The following TMEM181 variants were observed in gnomAD, a reference collection of about 807,000 sequenced individuals.
TMEM181 encodes transmembrane protein 181.
Under a neutral mutation model 71.9 loss-of-function variants are expected in TMEM181, and 39 were observed. The ratio of observed to expected loss-of-function variants is 0.54; its 90% CI spans 0.42 to 0.71. The LOEUF is 0.71. Ranked by LOEUF, TMEM181 falls within the 30% of genes least tolerant of loss-of-function variation. TMEM181 has a pLI of 0.00. For synonymous variants in TMEM181, 245 were observed against 228.8 expected (o/e 1.07, Z -0.64); for missense variants, 595 against 583.0 (o/e 1.02, Z -0.21).
At chr6:158,552,607 A>C (rs1781754094) in intron 1 of TMEM181, among the ~76,000 whole-genome samples, 1 of 152,222 alleles carries the variant, frequency 6.6e-6, no homozygotes, top group Admixed American at 6.5e-5. Flanking sequence ...TTGGGCCATA[A>C]GAGCAGAGTT....
At chr6:158,560,770 CGAGTT>C (rs1434241540) in intron 1 of TMEM181, among the ~76,000 whole-genome samples, 2 of 151,508 alleles carry the variant, frequency 1.3e-5, no homozygotes, top group Non-Finnish European at 2.9e-5. Flanking sequence ...CTCGGGGTGT[CGAGTT>C]ATATGAGTTT....
In TMEM181 at chr6:158,628,414, C is replaced by A; in HGVS notation, c.1116C>A (p.Ala372=). 1 of 1,614,206 alleles carries A rather than the reference C, an allele frequency of 6.2e-7. No individual in the cohort carries two copies. Among genetic ancestry groups the A allele is most frequent in the Non-Finnish European group, 8.5e-7 (1 of 1,180,040 alleles). The change falls in exon 14 of 17, where the codon GCC becomes GCA. Residue 372 remains alanine (A), a synonymous_variant. Transcript: ENST00000684151. ...GCTCCTCTGTCTTGTTCAGCATCGCCATCCTTTATTTGAGATTTGGGGCGC... is the reference window on the plus strand; with the variant it reads ...GCTCCTCTGTCTTGTTCAGCATCGCAATCCTTTATTTGAGATTTGGGGCGC... ...LTFVVLVISI[A]ILYLRFGAQV...
chr6:158,591,896 G>GT (rs1784130839), intron 6 of TMEM181, among the ~76,000 whole-genome samples: 1 of 151,996 alleles, frequency 6.6e-6, no homozygotes, highest in African/African-American at 2.4e-5. Flanking sequence ...GAAGAATTTG[G>GT]TACATATGTT....
chr6:158,548,582 G>A (rs539887322), intron 1 of TMEM181, among the ~76,000 whole-genome samples: 2 of 152,258 alleles, frequency 1.3e-5, no homozygotes, highest in South Asian at 2.1e-4. Flanking sequence ...CCAGTCCTGC[G>A]CTCACTGGCC....
Position 158,625,886 on chromosome 6 carries a change from C to T in TMEM181, c.1109+132C>T, listed in dbSNP as rs1483114863. On this transcript the variant is annotated intron_variant, in intron 13 of 16. Transcript: ENST00000684151. ...CAGTAGACTCATGAGGTTAGAGGGCCTCCCACCAAGGCTGGGCAGCCGAGA... is the reference window on the plus strand; with the variant it reads ...CAGTAGACTCATGAGGTTAGAGGGCTTCCCACCAAGGCTGGGCAGCCGAGA... The T allele has an allele frequency of 9.9e-6, 8 of 804,354 alleles. No homozygotes were observed. In the Admixed American group the frequency reaches 1.1e-4, roughly 11 times the overall value. The allele number at this position is 804,354 out of a possible 1,614,324, so 49.8% of individuals were successfully genotyped here. A position where few individuals can be genotyped will look rare whatever the true frequency, so the allele number is the denominator to read the frequency against.
At chr6:158,538,594 A>G (rs747253053) in intron 1 of TMEM181, among the ~76,000 whole-genome samples, 10 of 152,160 alleles carry the variant, frequency 6.6e-5, no homozygotes, top group Non-Finnish European at 1.3e-4. Flanking sequence ...TCACTGACCA[A>G]TGTATTCACC....
intron 10 of TMEM181, chr6:158,621,719 T>C (rs1785969725): frequency 6.6e-6 from 1 of 152,478 alleles, no homozygotes; most frequent in Admixed American, 6.5e-5. Flanking sequence ...GAAGTCAGAA[T>C]GATCCGATAT....
intron 1 of TMEM181, among the ~76,000 whole-genome samples, chr6:158,571,242 A>G (rs557998892): frequency 3.0e-4 from 45 of 152,170 alleles, no homozygotes; most frequent in Admixed American, 9.8e-4. Context: ...GACTGCAGGC[A>G]CCCGCCACCG....
intron 6 of TMEM181, among the ~76,000 whole-genome samples, chr6:158,601,758 G>GAAA (rs796451394): frequency 5.2e-5 from 5 of 96,062 alleles, no homozygotes; most frequent in African/African-American, 1.5e-4. Context: ...GACTGTCTCA[G>GAAA]AAAAAAAAAA....
At chr6:158,570,019 T>C (rs1029799400) in intron 1 of TMEM181, among the ~76,000 whole-genome samples, 1 of 152,206 alleles carries the variant, frequency 6.6e-6, no homozygotes, top group East Asian at 1.9e-4. Flanking sequence ...ATATAGTTAT[T>C]CTGGTTTTCT....
chr6:158,612,190 T>C (rs1785370167), intron 10 of TMEM181, among the ~76,000 whole-genome samples: 1 of 152,220 alleles, frequency 6.6e-6, no homozygotes, highest in Non-Finnish European at 1.5e-5. Context: ...TGTCTACTCT[T>C]TCTGGCTGCT....
At position 158,573,436 on chromosome 6, in the gene TMEM181, C is replaced by T; in HGVS notation, c.25C>T (p.Leu9Phe). Residue 9 changes from leucine to phenylalanine, a missense_variant, in exon 2 of 17, where the codon CTC becomes TTC. Coordinates refer to ENST00000684151, the MANE Select transcript of TMEM181 (RefSeq NM_001376852.1). MEPLAPMRLYTLSKRHFVL... is the reference protein window; with the variant it reads MEPLAPMRFYTLSKRHFVL... ...TGCCCCCAGGCTGGCGCCCATGCGG[C>T]TCTACACGCTCTCCAAGCGCCACTT... 6.3e-7 allele frequency: 1 copy of T among 1,582,978 alleles called. No individual in the cohort carries two copies. Among genetic ancestry groups the T allele is most frequent in the South Asian group, 1.1e-5 (1 of 87,150 alleles).
At chr6:158,585,467 T>C (rs1783716123) in intron 5 of TMEM181, 42 bp downstream of exon 5, 1 of 1,447,942 alleles carries the variant, frequency 6.9e-7, no homozygotes, top group African/African-American at 1.4e-5. Flanking sequence ...CCTCAGGCTG[T>C]GTACACGTTT....
At chr6:158,602,843 A>G (rs960358477) in intron 6 of TMEM181, among the ~76,000 whole-genome samples, 2 of 151,940 alleles carry the variant, frequency 1.3e-5, no homozygotes, top group African/African-American at 4.8e-5. Context: ...CAGCCTCCCA[A>G]AGTGTTGGGA....
chr6:158,623,884 C>T (rs1213991543), intron 11 of TMEM181, among the ~76,000 whole-genome samples: 1 of 151,952 alleles, frequency 6.6e-6, no homozygotes, highest in Non-Finnish European at 1.5e-5. Context: ...CGTCAGCCTT[C>T]TGAGTAACTG....
chr6:158,579,835 T>C (rs1783375256), intron 2 of TMEM181, among the ~76,000 whole-genome samples: 1 of 152,216 alleles, frequency 6.6e-6, no homozygotes, highest in South Asian at 2.1e-4. Context: ...AGATAAATAC[T>C]ATAAGATTCA....
chr6:158,603,823 GGT>G (rs1784800648), intron 6 of TMEM181, among the ~76,000 whole-genome samples: 1 of 151,818 alleles, frequency 6.6e-6, no homozygotes, highest in Non-Finnish European at 1.5e-5. Flanking sequence ...CCTGCTTTTT[GGT>G]GTGTCTGGTA....
At position 158,573,535 on chromosome 6, in the gene TMEM181, T is replaced by C. The variant is rs2128294164; in HGVS notation, c.112+12T>C. ...CGTTGGGATCAGAGGTAAGGTTCGG[T>C]TTTTACTCATTGAATCTTTTGCCAT... On this transcript the variant is annotated intron_variant, in intron 2 of 16. Transcript: ENST00000684151. 6.3e-7 allele frequency: 1 copy of C among 1,590,786 alleles called. No individual in the cohort carries two copies.
rs765608964 is a variant in TMEM181, at chr6:158,625,192, A to C, written c.1043A>C (p.His348Pro). 9 of 1,613,950 alleles carry C rather than the reference A, an allele frequency of 5.6e-6. No homozygotes were observed. Among genetic ancestry groups the C allele is most frequent in the Non-Finnish European group, 7.6e-6 (9 of 1,179,966 alleles). ...GTGCGGGCGTGTTCCGAGCTACGTC[A>C]CATGCCTTATGTGGGTAAGTGCTCC... is the stretch of plus-strand genomic sequence containing the variant. ...LIVRACSELRHMPYVDLRLKF... is the reference protein window; with the variant it reads ...LIVRACSELRPMPYVDLRLKF... Residue 348 changes from histidine to proline, a missense_variant, in exon 12 of 17, where the codon CAC becomes CCC. His to Pro is a moderately conservative substitution (Grantham distance 77). Coordinates refer to ENST00000684151, the MANE Select transcript of TMEM181 (RefSeq NM_001376852.1).
Sources: gnomAD v4.1 joint callset for allele counts (sites outside exome capture counted in the v4.1 genomes callset) on GRCh38, gnomAD v4.1.1 for gene constraint, MANE v1.5 for transcripts, NCBI Gene and HGNC (gene_info 2026-07-23, HGNC 2026-07-21) for gene names.